KIAA1755: variants seen among roughly 807,000 people sequenced by gnomAD.
The protein encoded by KIAA1755 is KIAA1755, also known as uncharacterized protein KIAA1755.
In KIAA1755, 68 loss-of-function variants were observed where a neutral mutation model predicts 91.7. That is an observed-to-expected ratio of 0.74 (90% confidence interval 0.61 to 0.91). KIAA1755 has a LOEUF of 0.91. Among genes scored for constraint, KIAA1755 ranks in the 40% least tolerant of loss-of-function variants. KIAA1755 has a pLI of 0.00. For missense variants in KIAA1755, 1,535 were observed against 1,494.4 expected (o/e 1.03, Z -0.45); for synonymous variants, 610 against 604.6 (o/e 1.01, Z -0.13).
At chr20:38,255,034 G>A (rs1016368523) in intron 1 of KIAA1755, among the ~76,000 whole-genome samples, 25 of 152,164 alleles carry the variant, frequency 1.6e-4, no homozygotes, top group African/African-American at 5.3e-4. Context: ...AAAACTAGCC[G>A]GGTGTGGTGG....
In KIAA1755 at chr20:38,245,918, T is replaced by A. The variant is rs1401559154; in HGVS notation, c.201+11A>T. ...AGCTTGTTCCCTGTCCCTGTTTCCCTCTTGACTTACACAGGCTGCTTCTCG... is the reference window on the plus strand; with the variant it reads ...AGCTTGTTCCCTGTCCCTGTTTCCCACTTGACTTACACAGGCTGCTTCTCG... On this transcript the variant is annotated intron_variant, in intron 2 of 13. Coordinates refer to ENST00000279024, the MANE Select transcript of KIAA1755 (RefSeq NM_001029864.2). The A allele has an allele frequency of 1.2e-6, 2 of 1,613,774 alleles. No individual in the cohort carries two copies. The highest frequency in any genetic ancestry group is 1.7e-6 in the Non-Finnish European group (2 of 1,179,768).
chr20:38,222,420 T>C (rs2075675585), intron 10 of KIAA1755, 29 bp downstream of exon 10: 1 of 1,602,574 alleles, frequency 6.2e-7, no homozygotes, highest in Non-Finnish European at 8.5e-7. Context: ...CAGGATGGGG[T>C]GGAAGAGGAA....
At chr20:38,257,736 C>T (rs1226581833) in intron 1 of KIAA1755, among the ~76,000 whole-genome samples, 1 of 152,138 alleles carries the variant, frequency 6.6e-6, no homozygotes, top group African/African-American at 2.4e-5. Flanking sequence ...GACAATACCT[C>T]AGTCTGGAGC....
intron 11 of KIAA1755, 94 bp from the exon 12 acceptor site, chr20:38,218,460 C>G (rs908584167): frequency 6.6e-7 from 1 of 1,522,936 alleles, no homozygotes; most frequent in Non-Finnish European, 8.9e-7. Flanking sequence ...GGTCTTCTGT[C>G]TTCACTCATT....
At chr20:38,255,818 C>A (rs1600666214) in intron 1 of KIAA1755, among the ~76,000 whole-genome samples, 1 of 152,170 alleles carries the variant, frequency 6.6e-6, no homozygotes, top group East Asian at 1.9e-4. Flanking sequence ...CCAGCTCTGT[C>A]TGTATCATCT....
chr20:38,259,151 G>A (rs2076391101), intron 1 of KIAA1755, among the ~76,000 whole-genome samples: 1 of 152,198 alleles, frequency 6.6e-6, no homozygotes, highest in African/African-American at 2.4e-5. Flanking sequence ...ATGAGTTACT[G>A]ACTCCTGGAT....
Position 38,213,679 on chromosome 20 carries a change from C to A in KIAA1755, c.2966G>T (p.Arg989Met). Reference protein sequence around the residue: ...MAQLRLDKTSRVSPGDQRRLH... With the variant: ...MAQLRLDKTSMVSPGDQRRLH... The stretch of plus-strand genomic sequence containing the variant: ...GCGGCGCTGGTCCCCAGGACTGACC[C>A]TTGAGGTCTTGTCCAGCCTGAGCTG... Residue 989 changes from arginine to methionine, a missense_variant, in exon 14 of 14, where the codon AGG (arginine) becomes ATG (methionine). Transcript: ENST00000279024. 6.3e-7 allele frequency: 1 copy of A among 1,575,388 alleles called. No homozygotes were observed. The highest frequency in any genetic ancestry group is 8.6e-7 in the Non-Finnish European group (1 of 1,160,390).
At chr20:38,224,691 T>C (rs1013510699) in intron 8 of KIAA1755, among the ~76,000 whole-genome samples, 1 of 151,960 alleles carries the variant, frequency 6.6e-6, no homozygotes, top group African/African-American at 2.4e-5. Context: ...ACCCCAAATG[T>C]GAATAGGTTA....
intron 10 of KIAA1755, among the ~76,000 whole-genome samples, chr20:38,221,194 A>G (rs1458587895): frequency 6.6e-6 from 1 of 152,118 alleles, no homozygotes; most frequent in Non-Finnish European, 1.5e-5. Context: ...GGAGGGACGG[A>G]GGGACGGGGA....
Position 38,222,441 on chromosome 20 carries a change from G to C in KIAA1755, c.2417+8C>G. The C allele has an allele frequency of 6.2e-7, 1 of 1,611,782 alleles. No individual in the cohort carries two copies. Among genetic ancestry groups the C allele is most frequent in the East Asian group, 2.2e-5 (1 of 44,880 alleles). On this transcript the variant is annotated splice_region_variant and intron_variant, in intron 10 of 13. Transcript: ENST00000279024. ...GGGGTGGAAGAGGAAAGGCCTGGAC[G>C]TCTGTACCTGACATCAGGGCTGAAG...
intron 2 of KIAA1755, among the ~76,000 whole-genome samples, chr20:38,242,934 C>A (rs1353070781): frequency 1.3e-5 from 2 of 152,124 alleles, no homozygotes; most frequent in African/African-American, 4.8e-5. Flanking sequence ...ACAGGAGTTG[C>A]CAGAAATTCC....
rs77567602 is a variant in KIAA1755 at position 38,228,550 on chromosome 20, T to G, written c.1872-310A>C. ...GTCACTTGGGACTCATCCACTTTTT[T>G]GTGTAGGCAGAATCCTTATTTTGCT... On this transcript the variant is annotated intron_variant, in intron 5 of 13. Coordinates refer to ENST00000279024, the MANE Select transcript of KIAA1755 (RefSeq NM_001029864.2). Among the ~76,000 whole-genome samples, 1,332 of 152,262 alleles carry G rather than the reference T, an allele frequency of 8.7e-3. 26 individuals are homozygous for G. Among genetic ancestry groups the G allele is most frequent in the African/African-American group, 0.03 (1,256 of 41,566 alleles).
At position 38,240,702 on chromosome 20, in the gene KIAA1755, T is replaced by C; in HGVS notation, c.1429A>G (p.Arg477Gly). 6.4e-7 allele frequency: 1 copy of C among 1,566,286 alleles called. No individual in the cohort carries two copies. The highest frequency in any genetic ancestry group is 8.6e-7 in the Non-Finnish European group (1 of 1,157,100). ...PTPGLKFSFL[R>G]GQRQPSVTPE... ...GTCACAGAGGGTTGCCTCTGCCCTC[T>C]CAAGAATGAGAATTTGAGCCCAGGA... The change falls in exon 3 of 14, where the codon AGA (arginine) becomes GGA (glycine). Residue 477 changes from arginine (R) to glycine (G), a missense_variant. By Grantham distance (125) the Arg-to-Gly change is moderately radical. Transcript: ENST00000279024.
intron 5 of KIAA1755, among the ~76,000 whole-genome samples, chr20:38,229,294 T>C (rs1315914416): frequency 4.6e-5 from 7 of 152,220 alleles, no homozygotes; most frequent in African/African-American, 1.7e-4. Flanking sequence ...TAGTGAGGAC[T>C]GATGAATTCA....
intron 1 of KIAA1755, among the ~76,000 whole-genome samples, chr20:38,259,820 C>CCACCA (rs1555833571): frequency 1.4e-5 from 2 of 138,698 alleles, no homozygotes; most frequent in African/African-American, 2.9e-5. Flanking sequence ...ACCACCACCA[C>CCACCA]CACACACACA....
At chr20:38,214,463 C>G (rs2075510017) in intron 13 of KIAA1755, among the ~76,000 whole-genome samples, 1 of 152,240 alleles carries the variant, frequency 6.6e-6, no homozygotes, top group Non-Finnish European at 1.5e-5. Flanking sequence ...TTGCCAGGTT[C>G]TGTGTGTCTC....
Position 38,260,543 on chromosome 20 carries a change from G to T in KIAA1755, c.-43C>A. 1.3e-6 allele frequency: 2 copies of T among 1,481,990 alleles called. No homozygotes were observed. The highest frequency in any genetic ancestry group is 1.8e-6 in the Non-Finnish European group (2 of 1,119,602). The allele number at this position is 1,481,990 out of a possible 1,614,324, so 91.8% of individuals were successfully genotyped here. On this transcript the variant is annotated 5_prime_UTR_variant, in exon 1 of 14. Coordinates refer to ENST00000279024, the MANE Select transcript of KIAA1755 (RefSeq NM_001029864.2). ...GGCGGGCGGCGCGGCTCCTCTCCTG[G>T]GCGCGGGGTCTGTGGGTCCGCGGGT...
rs750588986 is a variant in KIAA1755, at chr20:38,240,639, T to C, written c.1492A>G (p.Lys498Glu). ...KASLQHNGPW[K>E]VLCSLYSPKP... ...GGAGAGTAGAGGGAACACAGGACTT[T>C]CCAGGGCCCATTGTGCTGGAGTGAG... The change falls in exon 3 of 14, where the codon AAA (lysine) becomes GAA (glutamate). Residue 498 changes from lysine to glutamate, a missense_variant. Transcript: ENST00000279024. 6 of 1,521,948 alleles carry C rather than the reference T, an allele frequency of 3.9e-6. No homozygotes were observed. The East Asian group carries it at 1.1e-4, about 29-fold the overall frequency. 94.3% of individuals were successfully genotyped at this position (1,521,948 alleles called of 1,614,324 possible).
At chr20:38,237,411 G>C (rs2075977208) in intron 4 of KIAA1755, among the ~76,000 whole-genome samples, 1 of 152,048 alleles carries the variant, frequency 6.6e-6, no homozygotes, top group Non-Finnish European at 1.5e-5. Flanking sequence ...TGAGGGTGCA[G>C]GTGGAGAGTT....
Sources: gnomAD v4.1 joint callset for allele counts (sites outside exome capture counted in the v4.1 genomes callset) on GRCh38, gnomAD v4.1.1 for gene constraint, MANE v1.5 for transcripts, NCBI Gene and HGNC (gene_info 2026-07-23, HGNC 2026-07-21) for gene names.